The following TOP6BL variants were observed in gnomAD, a reference collection of about 807,000 sequenced individuals.
TOP6BL encodes the protein type 2 DNA topoisomerase 6 subunit B-like.
chr11:66,828,176 C>G, the TOP6BL span: 1 of 818,606 alleles, frequency 1.2e-6, no homozygotes, highest in Non-Finnish European at 2.0e-6. Flanking sequence ...TGTCTGCCTC[C>G]TCATCTCCCT....
chr11:66,813,507 G>A, the TOP6BL span, among the ~76,000 whole-genome samples: 2,409 of 152,182 alleles, frequency 0.016, 18 homozygotes, highest in Middle Eastern at 0.041. Context: ...GGCCGAGGTG[G>A]GCAGATCACG....
the TOP6BL span, chr11:66,843,319 C>T: frequency 6.5e-7 from 1 of 1,528,378 alleles, no homozygotes. Flanking sequence ...GCCGCGCGCT[C>T]ACCAAGTCCT....
At chr11:66,838,336 A>G in the TOP6BL span, 1 of 1,601,572 alleles carries the variant, frequency 6.2e-7, no homozygotes, top group Non-Finnish European at 8.6e-7. Flanking sequence ...TGTTTCTACA[A>G]AACTCACTTA....
the TOP6BL span, among the ~76,000 whole-genome samples, chr11:66,805,876 G>C: frequency 1.3e-5 from 2 of 152,102 alleles, no homozygotes; most frequent in African/African-American, 2.4e-5. Context: ...GAATTGTATG[G>C]TATGTGAATT....
chr11:66,753,142 A>G, the TOP6BL span, among the ~76,000 whole-genome samples: 2 of 151,882 alleles, frequency 1.3e-5, no homozygotes, highest in Non-Finnish European at 2.9e-5. Context: ...AAAAAAATAT[A>G]TATATATCAG....
chr11:66,824,770 A>T, the TOP6BL span, among the ~76,000 whole-genome samples: 2 of 152,180 alleles, frequency 1.3e-5, no homozygotes, highest in South Asian at 2.1e-4. Flanking sequence ...TACAAAGGAC[A>T]TGAACTCATC....
chr11:66,813,184 A>G, the TOP6BL span, among the ~76,000 whole-genome samples: 8 of 152,150 alleles, frequency 5.3e-5, no homozygotes, highest in South Asian at 1.7e-3. Flanking sequence ...TCTGTCTCCC[A>G]TGTTGTAAAT....
chr11:66,786,772 A>T, the TOP6BL span, among the ~76,000 whole-genome samples: 1 of 152,196 alleles, frequency 6.6e-6, no homozygotes, highest in South Asian at 2.1e-4. Context: ...GAAACTGAAG[A>T]TTGACGTAAG....
chr11:66,764,156 T>TG, the TOP6BL span, among the ~76,000 whole-genome samples: 1 of 152,218 alleles, frequency 6.6e-6, no homozygotes, highest in Non-Finnish European at 1.5e-5. Flanking sequence ...GCTATTGTCC[T>TG]GAAGAGTTTG....
the TOP6BL span, among the ~76,000 whole-genome samples, chr11:66,796,932 A>G: frequency 1.3e-5 from 2 of 151,368 alleles, no homozygotes; most frequent in East Asian, 1.9e-4. Flanking sequence ...GGCTTTAACA[A>G]TCCTTCTGCT....
chr11:66,800,112 A>G, the TOP6BL span, among the ~76,000 whole-genome samples: 1 of 152,068 alleles, frequency 6.6e-6, no homozygotes, highest in African/African-American at 2.4e-5. Context: ...CATTGTGTAT[A>G]TACCACATTT....
At chr11:66,833,312 G>A in the TOP6BL span, among the ~76,000 whole-genome samples, 5 of 152,080 alleles carry the variant, frequency 3.3e-5, no homozygotes, top group African/African-American at 4.8e-5. Context: ...GCCTCCCAAA[G>A]TGCTGGGATT....
the TOP6BL span, among the ~76,000 whole-genome samples, chr11:66,772,592 A>G: frequency 6.6e-6 from 1 of 152,242 alleles, no homozygotes; most frequent in African/African-American, 2.4e-5. Context: ...AACATGGCGA[A>G]ACCCCGTCTC....
the TOP6BL span, among the ~76,000 whole-genome samples, chr11:66,808,488 A>G: frequency 3.9e-5 from 6 of 151,964 alleles, no homozygotes; most frequent in Non-Finnish European, 8.8e-5. Flanking sequence ...TGATCGTGCC[A>G]TTGCCCTTCA....
chr11:66,754,568 A>T, the TOP6BL span, among the ~76,000 whole-genome samples: 1 of 152,210 alleles, frequency 6.6e-6, no homozygotes, highest in African/African-American at 2.4e-5. Flanking sequence ...AAATTTTAGC[A>T]TCACTAAAAG....
the TOP6BL span, chr11:66,813,802 T>C: frequency 6.8e-7 from 1 of 1,480,846 alleles, no homozygotes; most frequent in South Asian, 1.1e-5. Context: ...TGTTTGTTTG[T>C]TATACAAGTG....
the TOP6BL span, among the ~76,000 whole-genome samples, chr11:66,790,862 A>G: frequency 6.6e-6 from 1 of 152,184 alleles, no homozygotes; most frequent in African/African-American, 2.4e-5. Context: ...CAAGATGATG[A>G]CAGCATTTGG....
At chr11:66,758,783 C>T in the TOP6BL span, among the ~76,000 whole-genome samples, 1 of 152,136 alleles carries the variant, frequency 6.6e-6, no homozygotes, top group Non-Finnish European at 1.5e-5. Context: ...AGAGGCAGTC[C>T]TGGTGTTGAT....
the TOP6BL span, among the ~76,000 whole-genome samples, chr11:66,759,618 C>G: frequency 2.0e-5 from 3 of 152,230 alleles, no homozygotes; most frequent in African/African-American, 7.2e-5. Context: ...GAGTCTCACT[C>G]TGTCACCCAG....
Sources: allele counts gnomAD v4.1 joint callset (sites outside exome capture counted in the v4.1 genomes callset), GRCh38; gene constraint gnomAD v4.1.1; transcripts MANE v1.5; gene names NCBI Gene and HGNC (gene_info 2026-07-23, HGNC 2026-07-21).